The following PDPK1 variants were observed in gnomAD, a reference collection of about 807,000 sequenced individuals.
The protein encoded by PDPK1 is 3-phosphoinositide dependent protein kinase 1.
PDPK1 carries 7 observed loss-of-function variants against 39.8 expected under a neutral mutation model. That is an observed-to-expected ratio of 0.18 (90% CI 0.10 to 0.33). PDPK1 has a LOEUF of 0.33. PDPK1 is among the 10% of genes least tolerant of loss of function. The pLI, the probability that PDPK1 is intolerant of heterozygous loss-of-function variation, is 1.00. For missense variants in PDPK1, 182 were observed against 384.7 expected (o/e 0.47, Z 4.41); for synonymous variants, 118 against 159.1 (o/e 0.74, Z 1.95).
At chr16:2,594,132 TG>T (rs1468376765) in intron 11 of PDPK1, 2 of 152,444 alleles carry the variant, frequency 1.3e-5, no homozygotes, top group African/African-American at 2.4e-5. Context: ...GAAGATGCTG[TG>T]CCCCCAACTC....
At chr16:2,550,244 G>A (rs1181465996) in intron 1 of PDPK1, among the ~76,000 whole-genome samples, 3 of 150,930 alleles carry the variant, frequency 2.0e-5, no homozygotes, top group Admixed American at 1.4e-4. Context: ...GAGAAAAATG[G>A]CATTTTATTT....
Position 2,551,961 on chromosome 16 carries a change from C to T in PDPK1, c.25-5742C>T, listed in dbSNP as rs558394143. Among the ~76,000 whole-genome samples the T allele has an allele frequency of 2.8e-4, 43 of 151,080 alleles. 1 individual carries two copies. In the South Asian group the frequency reaches 8.4e-3, roughly 30 times the overall value. On this transcript the variant is annotated intron_variant, in intron 1 of 13. Coordinates refer to ENST00000342085, the MANE Select transcript of PDPK1 (RefSeq NM_002613.5). The stretch of plus-strand genomic sequence containing the variant: ...GATTATAGGCATGAGCCACTGTGCC[C>T]GGCAAAGAGAGTATCTACTTTTTTT...
chr16:2,592,634 C>T, intron 11 of PDPK1: 1 of 382,098 alleles, frequency 2.6e-6, no homozygotes, highest in Non-Finnish European at 5.2e-6. Flanking sequence ...AAGATTGTGC[C>T]ATTGCCCTCC....
chr16:2,590,484 C>T (rs1335763081), intron 11 of PDPK1, among the ~76,000 whole-genome samples: 2 of 152,070 alleles, frequency 1.3e-5, no homozygotes, highest in Admixed American at 1.3e-4. Context: ...GGGAAGTATA[C>T]AGAAGGGCAC....
At chr16:2,577,810 C>A (rs552017090) in intron 7 of PDPK1, among the ~76,000 whole-genome samples, 1 of 149,468 alleles carries the variant, frequency 6.7e-6, no homozygotes, top group African/African-American at 2.5e-5. Flanking sequence ...ACCATCTCTG[C>A]TCGCTGCAAC....
chr16:2,600,201 T>C lies in PDPK1; in HGVS notation c.*2434T>C, dbSNP rs1349582336. ...TTCTACGGTAGAACGTGGGGTACTG[T>C]GTGTGCACATAGACACACTTACGTG... On this transcript the variant is annotated 3_prime_UTR_variant, in exon 14 of 14. Transcript: ENST00000342085. 2.6e-5 allele frequency: 6 copies of C among 233,230 alleles called. No individual in the cohort carries two copies. The highest frequency in any genetic ancestry group is 1.8e-4 in the South Asian group (1 of 5,532). 14.4% of individuals were successfully genotyped at this position (233,230 alleles called of 1,614,324 possible). A position where few individuals can be genotyped will look rare whatever the true frequency, so the allele number is the denominator to read the frequency against.
chr16:2,595,256 A>G (rs1482940275), intron 11 of PDPK1, among the ~76,000 whole-genome samples: 1 of 152,212 alleles, frequency 6.6e-6, no homozygotes, highest in Non-Finnish European at 1.5e-5. Context: ...GTGTTTTACT[A>G]TGATGGAAAA....
At chr16:2,546,515 G>A (rs562354753) in intron 1 of PDPK1, among the ~76,000 whole-genome samples, 2 of 152,298 alleles carry the variant, frequency 1.3e-5, no homozygotes, top group East Asian at 3.9e-4. Context: ...TGTATTTTTA[G>A]TAGAGATGGG....
In PDPK1 at chr16:2,592,698, T is replaced by C. The variant is rs1393309135; in HGVS notation, c.1344-3095T>C. 2.1e-5 allele frequency: 9 copies of C among 426,374 alleles called. No individual in the cohort carries two copies. In the East Asian group the frequency reaches 4.9e-4, roughly 23 times the overall value. 26.4% of individuals were successfully genotyped at this position (426,374 alleles called of 1,614,324 possible). A position where few individuals can be genotyped will look rare whatever the true frequency, so the allele number is the denominator to read the frequency against. On this transcript the variant is annotated intron_variant, in intron 11 of 13. Coordinates refer to ENST00000342085, the MANE Select transcript of PDPK1 (RefSeq NM_002613.5). The stretch of plus-strand genomic sequence containing the variant: ...TTAAAAAAAAAAAAAATCAAGGTGA[T>C]TCCTGGAAGTGCTCACAGCAAGGAG...
intron 1 of PDPK1, chr16:2,539,390 T>C (rs2066202319): frequency 6.6e-6 from 1 of 152,404 alleles, no homozygotes; most frequent in African/African-American, 2.4e-5. Context: ...GATGTGGCTT[T>C]TTGATAGGCG....
chr16:2,578,320 A>T (rs2066756831), intron 7 of PDPK1: 1 of 150,798 alleles, frequency 6.6e-6, no homozygotes, highest in African/African-American at 2.6e-5. Context: ...AAATGAAAAA[A>T]GTGCAGATGG....
At chr16:2,541,479 C>G (rs529716512) in intron 1 of PDPK1, among the ~76,000 whole-genome samples, 3 of 152,304 alleles carry the variant, frequency 2.0e-5, no homozygotes, top group African/African-American at 7.2e-5. Context: ...GCACTTTCCC[C>G]TTCTGAGGAA....
chr16:2,596,591 G>A (rs993594756), intron 12 of PDPK1, among the ~76,000 whole-genome samples: 1 of 152,194 alleles, frequency 6.6e-6, no homozygotes. Flanking sequence ...GTATTTATTT[G>A]GTCATCTTGT....
intron 1 of PDPK1, among the ~76,000 whole-genome samples, chr16:2,544,076 A>G (rs1567143805): frequency 6.6e-6 from 1 of 152,142 alleles, no homozygotes; most frequent in East Asian, 1.9e-4. Flanking sequence ...AATAAAAAAA[A>G]GTCTGTGCAT....
intron 1 of PDPK1, among the ~76,000 whole-genome samples, chr16:2,542,406 G>A (rs1337305325): frequency 2.0e-5 from 3 of 152,152 alleles, no homozygotes. Flanking sequence ...GGATCCTCCC[G>A]CCTCGGCCTC....
intron 11 of PDPK1, among the ~76,000 whole-genome samples, chr16:2,588,443 C>T (rs922699561): frequency 5.3e-5 from 8 of 152,070 alleles, no homozygotes; most frequent in East Asian, 1.9e-4. Context: ...TGGCCAGGAG[C>T]GCTCTCTCTG....
intron 1 of PDPK1, among the ~76,000 whole-genome samples, chr16:2,545,389 T>C (rs943845902): frequency 2.0e-5 from 3 of 152,074 alleles, no homozygotes; most frequent in South Asian, 2.1e-4. Flanking sequence ...TAGAATGCAG[T>C]GGCATGATCA....
intron 1 of PDPK1, among the ~76,000 whole-genome samples, chr16:2,543,585 C>T (rs1476534158): frequency 6.7e-6 from 1 of 148,394 alleles, no homozygotes; most frequent in African/African-American, 2.5e-5. Flanking sequence ...CCAGGTGGGT[C>T]CAGGATGTTC....
At position 2,598,842 on chromosome 16, in the gene PDPK1, G is replaced by GC. The variant is rs2067156015; in HGVS notation, c.*1079dup. On this transcript the variant is annotated 3_prime_UTR_variant, in exon 14 of 14. Coordinates refer to ENST00000342085, the MANE Select transcript of PDPK1 (RefSeq NM_002613.5). The stretch of plus-strand genomic sequence containing the variant: ...GAGTGCAGACACCACCGTCACACAC[G>GC]CCCCTTTTGTGTTTTGGTTCAAGTT... 1 of 233,188 alleles carries GC rather than the reference G, an allele frequency of 4.3e-6. No homozygotes were observed. Among genetic ancestry groups the GC allele is most frequent in the African/African-American group, 2.2e-5 (1 of 45,336 alleles). The allele number at this position is 233,188 out of a possible 1,614,324, so 14.4% of individuals were successfully genotyped here.
Sources: allele counts gnomAD v4.1 joint callset (sites outside exome capture counted in the v4.1 genomes callset), GRCh38; gene constraint gnomAD v4.1.1; transcripts MANE v1.5; gene names NCBI Gene and HGNC (gene_info 2026-07-23, HGNC 2026-07-21).